Variants in TAF1B observed in about 807,000 individuals in gnomAD.
The protein encoded by TAF1B is TATA box-binding protein-associated factor RNA polymerase I subunit B.
A neutral mutation model predicts 83.9 loss-of-function variants in TAF1B; 61 were observed. The ratio of observed to expected loss-of-function variants is 0.73; its 90% confidence interval spans 0.59 to 0.90. The LOEUF (loss-of-function observed/expected upper bound fraction) is 0.90. TAF1B is among the 40% of genes least tolerant of loss of function. The pLI is 0.00. For synonymous variants in TAF1B, 221 were observed against 224.6 expected, an observed-to-expected ratio of 0.98 and a Z score of 0.14; for missense variants, 625 against 677.0, an observed-to-expected ratio of 0.92 and a Z score of 0.85.
chr2:9,887,723 T>G (rs779748691), intron 8 of TAF1B, among the ~76,000 whole-genome samples: 98 of 152,216 alleles, frequency 6.4e-4, no homozygotes, highest in Admixed American at 1.8e-3. Context: ...GCCATTTACA[T>G]TTGACATAAT....
At chr2:9,920,333 G>A (rs1279001383) in intron 14 of TAF1B, among the ~76,000 whole-genome samples, 1 of 152,162 alleles carries the variant, frequency 6.6e-6, no homozygotes, top group Non-Finnish European at 1.5e-5. Context: ...AAGTTCAGGA[G>A]TAGGTATGGC....
rs34619491 is a variant in TAF1B at position 9,887,063 on chromosome 2, C to CA, written c.807+4269dup. Reference sequence around the variant, plus strand: ...CAGGCAACAGAGTGAGACTCTGTCTCAAAAAAAAAAAGATTTATATTGCCC... The same window carrying CA: ...CAGGCAACAGAGTGAGACTCTGTCTCAAAAAAAAAAAAGATTTATATTGCCC... On this transcript the variant is annotated intron_variant, in intron 8 of 14. Coordinates refer to ENST00000263663, the MANE Select transcript of TAF1B (RefSeq NM_005680.3). Among the ~76,000 whole-genome samples, 90 of 145,418 alleles carry CA rather than the reference C, an allele frequency of 6.2e-4. 1 individual carries two copies. Among genetic ancestry groups the CA allele is most frequent in the Middle Eastern group, 3.4e-3 (1 of 290 alleles).
intron 12 of TAF1B, among the ~76,000 whole-genome samples, chr2:9,917,837 C>T (rs1210663203): frequency 9.9e-5 from 15 of 151,844 alleles, no homozygotes; most frequent in Admixed American, 9.8e-4. Flanking sequence ...CTTTGGGAGG[C>T]CGAGGCGGGC....
intron 8 of TAF1B, among the ~76,000 whole-genome samples, chr2:9,883,736 C>T (rs1265227237): frequency 6.6e-6 from 1 of 152,196 alleles, no homozygotes; most frequent in Non-Finnish European, 1.5e-5. Context: ...GAGGATGGCA[C>T]AATAGGTGCT....
chr2:9,920,616 T>G, intron 14 of TAF1B, among the ~76,000 whole-genome samples: 1 of 151,366 alleles, frequency 6.6e-6, no homozygotes, highest in South Asian at 2.1e-4. Context: ...CAGGTGTTAA[T>G]AGTGATCACC....
Position 9,918,582 on chromosome 2 carries a change from T to C in TAF1B, c.1272-459T>C, listed in dbSNP as rs571304295. Among the ~76,000 whole-genome samples, 7 of 152,324 alleles carry C rather than the reference T, an allele frequency of 4.6e-5. No homozygotes were observed. In the South Asian group the frequency reaches 1.5e-3, roughly 32 times the overall value. On this transcript the variant is annotated intron_variant, in intron 12 of 14. Transcript: ENST00000263663. ...TCCTTTACACCAGGAATAGAATAGA[T>C]TTCCTGGCATCAGATGCCAGAGAGA...
intron 5 of TAF1B, among the ~76,000 whole-genome samples, chr2:9,866,027 C>CA (rs1413557722): frequency 6.6e-6 from 1 of 151,906 alleles, no homozygotes; most frequent in South Asian, 2.1e-4. Context: ...TAGGCATGGG[C>CA]AAGGACTTCA....
At chr2:9,930,979 T>A (rs1666193219) in intron 14 of TAF1B, among the ~76,000 whole-genome samples, 1 of 152,242 alleles carries the variant, frequency 6.6e-6, no homozygotes, top group Non-Finnish European at 1.5e-5. Flanking sequence ...TATCAGAGAC[T>A]AGGATTGCAA....
intron 14 of TAF1B, among the ~76,000 whole-genome samples, chr2:9,920,218 T>A (rs1233734598): frequency 1.3e-5 from 2 of 152,166 alleles, no homozygotes; most frequent in African/African-American, 2.4e-5. Flanking sequence ...CACAGTACAG[T>A]TATCAAACTC....
In TAF1B at chr2:9,882,695, T is replaced by C; in HGVS notation, c.708-11T>C. 6.3e-7 allele frequency: 1 copy of C among 1,585,356 alleles called. No individual in the cohort carries two copies. Among genetic ancestry groups the C allele is most frequent in the Non-Finnish European group, 8.6e-7 (1 of 1,165,810 alleles). ...AACTCTCATTAAACCTTTTTCTTTT[T>C]AAAAATACAGGTTTGTTGAAGAGGA... On this transcript the variant is annotated splice_polypyrimidine_tract_variant and intron_variant, in intron 7 of 14. Transcript: ENST00000263663.
intron 8 of TAF1B, among the ~76,000 whole-genome samples, chr2:9,894,168 C>T (rs926931679): frequency 3.3e-5 from 5 of 152,080 alleles, no homozygotes; most frequent in East Asian, 1.9e-4. Context: ...ACTATAATTC[C>T]GTCTACAAAA....
At position 9,911,551 on chromosome 2, in the gene TAF1B, A is replaced by G. The variant is rs763833813; in HGVS notation, c.1174A>G (p.Lys392Glu). The G allele has an allele frequency of 1.2e-5, 18 of 1,519,556 alleles. No homozygotes were observed. In the African/African-American group the frequency reaches 2.4e-4, roughly 20 times the overall value. The allele number at this position is 1,519,556 out of a possible 1,614,324, so 94.1% of individuals were successfully genotyped here. ...TGCTGAAAAGCATAATGAAAAGAAC[A>G]AAAAAGGTATTTTAATTTTTTATCA... ...NLAEKHNEKN[K>E]KDKPWFDFRK... The change falls in exon 11 of 15, where the codon AAA (lysine) becomes GAA (glutamate). Residue 392 changes from lysine (K) to glutamate (E), a missense_variant. Transcript: ENST00000263663.
intron 9 of TAF1B, among the ~76,000 whole-genome samples, 170 bp from the exon 10 acceptor site, chr2:9,910,566 A>G (rs994382345): frequency 2.0e-5 from 3 of 152,184 alleles, no homozygotes; most frequent in Admixed American, 2.0e-4. Context: ...TTAAGATTCT[A>G]CCATTCATTT....
At chr2:9,889,681 C>A (rs1664805287) in intron 8 of TAF1B, among the ~76,000 whole-genome samples, 1 of 151,934 alleles carries the variant, frequency 6.6e-6, no homozygotes, top group African/African-American at 2.4e-5. Flanking sequence ...TTGTAGAGTG[C>A]TAGATTTTTT....
chr2:9,860,254 AGCAT>A (rs759267757), intron 5 of TAF1B, among the ~76,000 whole-genome samples: 124 of 152,334 alleles, frequency 8.1e-4, no homozygotes, highest in Admixed American at 1.8e-3. Context: ...GGAAATTTCA[AGCAT>A]GCAGTTAGAT....
chr2:9,919,979 A>G lies in TAF1B; in HGVS notation c.1565+159A>G, dbSNP rs75569778. Among the ~76,000 whole-genome samples the G allele has an allele frequency of 0.017, 2,549 of 152,292 alleles. 71 individuals are homozygous for G. The highest frequency in any genetic ancestry group is 0.058 in the African/African-American group (2,393 of 41,550). On this transcript the variant is annotated intron_variant, in intron 14 of 14. Transcript: ENST00000263663. ...GTAGGAGTTCTAGGAAAGCTGGTAA[A>G]AATCAAGAAAGAGGATACAGGGCAA...
chr2:9,859,747 A>G (rs1180017025), intron 5 of TAF1B, among the ~76,000 whole-genome samples: 3 of 152,058 alleles, frequency 2.0e-5, no homozygotes, highest in Non-Finnish European at 4.4e-5. Context: ...ACTTTCTTTC[A>G]TCTTCCTGTC....
At chr2:9,867,150 AG>A (rs1333763274) in intron 5 of TAF1B, among the ~76,000 whole-genome samples, 1 of 152,256 alleles carries the variant, frequency 6.6e-6, no homozygotes, top group Non-Finnish European at 1.5e-5. Flanking sequence ...GGAATGATGC[AG>A]GAGAGAAGAA....
chr2:9,933,271 T>C (rs1455829866), intron 14 of TAF1B, among the ~76,000 whole-genome samples: 1 of 152,242 alleles, frequency 6.6e-6, no homozygotes, highest in Non-Finnish European at 1.5e-5. Flanking sequence ...GAGCTGTTCC[T>C]GTTCAGCCAT....
Sources: allele counts gnomAD v4.1 joint callset (sites outside exome capture counted in the v4.1 genomes callset), GRCh38; gene constraint gnomAD v4.1.1; transcripts MANE v1.5; gene names NCBI Gene and HGNC (gene_info 2026-07-23, HGNC 2026-07-21).